KIAA1328: variants seen among roughly 807,000 people sequenced by gnomAD.
KIAA1328 encodes protein hinderin.
A neutral mutation model predicts 68.1 loss-of-function variants in KIAA1328; 52 were observed. The ratio of observed to expected loss-of-function variants is 0.76; its 90% confidence interval spans 0.61 to 0.96. KIAA1328 has a LOEUF of 0.96. Ranked by LOEUF, KIAA1328 falls within the 40% of genes least tolerant of loss-of-function variation. The pLI, the probability that KIAA1328 is intolerant of heterozygous loss-of-function variation, is 0.00. For missense variants in KIAA1328, 641 were observed against 677.6 expected, an observed-to-expected ratio of 0.95 and a Z score of 0.60; for synonymous variants, 232 against 239.4, an observed-to-expected ratio of 0.97 and a Z score of 0.28.
chr18:36,838,801 C>G (rs1463811103), intron 3 of KIAA1328, among the ~76,000 whole-genome samples: 1 of 152,066 alleles, frequency 6.6e-6, no homozygotes, highest in African/African-American at 2.4e-5. Flanking sequence ...GTGGCACGAT[C>G]TTGGTTTACT....
chr18:36,987,848 A>T lies in KIAA1328; in HGVS notation c.576+28413A>T, dbSNP rs73947102. Among the ~76,000 whole-genome samples, 883 of 149,984 alleles carry T rather than the reference A, an allele frequency of 5.9e-3. 12 individuals are homozygous for T. Among genetic ancestry groups the T allele is most frequent in the African/African-American group, 0.014 (584 of 40,890 alleles). On this transcript the variant is annotated intron_variant, in intron 6 of 9. Coordinates refer to ENST00000280020, the MANE Select transcript of KIAA1328 (RefSeq NM_020776.3). The stretch of plus-strand genomic sequence containing the variant: ...TGTTTTTTTTTGTTTTTGTTTTTTT[A>T]AAAAAAAAGAACTGCATATTTTTTC...
At chr18:37,011,814 T>G (rs1251999960) in intron 6 of KIAA1328, among the ~76,000 whole-genome samples, 2 of 152,138 alleles carry the variant, frequency 1.3e-5, no homozygotes, top group East Asian at 3.9e-4. Flanking sequence ...GAGAGGTTGA[T>G]TACACAGGAG....
chr18:36,847,920 C>T (rs929975105), intron 4 of KIAA1328, among the ~76,000 whole-genome samples: 5 of 151,690 alleles, frequency 3.3e-5, no homozygotes, highest in African/African-American at 1.2e-4. Flanking sequence ...TATTTCTAGA[C>T]TCTTTGTTTC....
At chr18:36,980,993 C>G (rs1464776881) in intron 6 of KIAA1328, among the ~76,000 whole-genome samples, 1 of 152,136 alleles carries the variant, frequency 6.6e-6, no homozygotes, top group East Asian at 1.9e-4. Context: ...TCTTTATCAG[C>G]AGCATGAAAA....
At chr18:37,178,200 A>T (rs933320370) in intron 9 of KIAA1328, among the ~76,000 whole-genome samples, 2 of 151,932 alleles carry the variant, frequency 1.3e-5, no homozygotes, top group Admixed American at 6.6e-5. Context: ...CTCTCTCCCC[A>T]TGTCCCCACC....
chr18:37,017,937 G>A (rs1328746358), intron 6 of KIAA1328, among the ~76,000 whole-genome samples: 1 of 152,118 alleles, frequency 6.6e-6, no homozygotes, highest in Non-Finnish European at 1.5e-5. Flanking sequence ...TGCCTTTTAA[G>A]TGGGTCATTT....
chr18:37,006,812 G>C (rs2053802257), intron 6 of KIAA1328, among the ~76,000 whole-genome samples: 1 of 152,076 alleles, frequency 6.6e-6, no homozygotes, highest in African/African-American at 2.4e-5. Context: ...AGGTGAAAAT[G>C]TCTTTATTCT....
At chr18:36,919,796 G>T (rs2049847620) in intron 5 of KIAA1328, among the ~76,000 whole-genome samples, 2 of 152,040 alleles carry the variant, frequency 1.3e-5, no homozygotes, top group Admixed American at 1.3e-4. Flanking sequence ...TCATGGTTTT[G>T]ATTTGCATTT....
chr18:36,954,464 C>T (rs2051315674), intron 5 of KIAA1328: 1 of 151,992 alleles, frequency 6.6e-6, no homozygotes, highest in Non-Finnish European at 1.5e-5. Flanking sequence ...GAGTATTGAC[C>T]ACCAGATTGT....
chr18:37,181,907 T>C (rs1008715062), intron 9 of KIAA1328, among the ~76,000 whole-genome samples: 2 of 152,222 alleles, frequency 1.3e-5, no homozygotes, highest in African/African-American at 4.8e-5. Context: ...AACACATTTA[T>C]AGGGGACAAA....
intron 6 of KIAA1328, among the ~76,000 whole-genome samples, chr18:36,966,924 A>G (rs574720148): frequency 1.3e-5 from 2 of 152,310 alleles, no homozygotes; most frequent in East Asian, 1.9e-4. Context: ...CAGTCTTAAA[A>G]TTTATATGGA....
chr18:37,056,240 A>G (rs2055902102), intron 6 of KIAA1328, among the ~76,000 whole-genome samples: 1 of 152,236 alleles, frequency 6.6e-6, no homozygotes, highest in African/African-American at 2.4e-5. Flanking sequence ...GTGTGCATAC[A>G]TGTATACAAG....
chr18:36,904,753 T>A (rs1036742113), intron 5 of KIAA1328, among the ~76,000 whole-genome samples: 1 of 152,134 alleles, frequency 6.6e-6, no homozygotes, highest in African/African-American at 2.4e-5. Flanking sequence ...TGAGTTTGTT[T>A]TAGTTTGTTC....
chr18:37,117,588 C>T (rs1490760817), intron 7 of KIAA1328, among the ~76,000 whole-genome samples: 1 of 152,100 alleles, frequency 6.6e-6, no homozygotes. Context: ...CACATGTATA[C>T]ATATGTAACA....
intron 7 of KIAA1328, among the ~76,000 whole-genome samples, chr18:37,079,884 CAA>C (rs200381832): frequency 1.7e-4 from 16 of 95,250 alleles, no homozygotes; most frequent in African/African-American, 1.8e-4. Flanking sequence ...AAGGCTGTCT[CAA>C]AAAAAAAAAA....
At chr18:37,210,166 T>C (rs745727825) in intron 9 of KIAA1328, among the ~76,000 whole-genome samples, 1 of 152,210 alleles carries the variant, frequency 6.6e-6, no homozygotes, top group Non-Finnish European at 1.5e-5. Flanking sequence ...GGCCATGTGC[T>C]AATGTTCTTG....
chr18:37,117,468 GAA>G (rs1281877390), intron 7 of KIAA1328, among the ~76,000 whole-genome samples: 1 of 152,000 alleles, frequency 6.6e-6, no homozygotes, highest in African/African-American at 2.4e-5. Context: ...CAGCGGTAGC[GAA>G]CATCCCACAC....
intron 6 of KIAA1328, among the ~76,000 whole-genome samples, chr18:36,971,104 T>C (rs1369578504): frequency 2.0e-5 from 3 of 152,060 alleles, no homozygotes; most frequent in Non-Finnish European, 4.4e-5. Context: ...AAAGCAGATA[T>C]ATAGACCAAT....
intron 9 of KIAA1328, among the ~76,000 whole-genome samples, chr18:37,217,326 T>C (rs1208964894): frequency 6.6e-6 from 1 of 152,214 alleles, no homozygotes; most frequent in Admixed American, 6.5e-5. Flanking sequence ...TTTCCATGTT[T>C]AGTGCTTCCT....
Sources: allele counts gnomAD v4.1 joint callset (sites outside exome capture counted in the v4.1 genomes callset), GRCh38; gene constraint gnomAD v4.1.1; transcripts MANE v1.5; gene names NCBI Gene and HGNC (gene_info 2026-07-23, HGNC 2026-07-21).